Variants in TMCC1 observed in about 807,000 individuals in gnomAD.
TMCC1 encodes the protein transmembrane and coiled-coil domain family 1.
A neutral mutation model predicts 52.4 loss-of-function variants in TMCC1; 15 were observed. That is an observed-to-expected ratio of 0.29 (90% CI 0.19 to 0.44). TMCC1 has a LOEUF of 0.44. Among genes scored for constraint, TMCC1 ranks in the 20% least tolerant of loss-of-function variants. The pLI is 1.00. For missense variants in TMCC1, 503 were observed against 806.0 expected (o/e 0.62, Z 4.55); for synonymous variants, 279 against 301.9 (o/e 0.92, Z 0.79).
intron 4 of TMCC1, among the ~76,000 whole-genome samples, chr3:129,700,152 G>A (rs929461797): frequency 5.9e-5 from 9 of 152,072 alleles, no homozygotes; most frequent in African/African-American, 1.2e-4. Context: ...GAGGCAGGAT[G>A]ATCACTTGAG....
intron 4 of TMCC1, among the ~76,000 whole-genome samples, chr3:129,716,226 A>G (rs1406023948): frequency 7.0e-6 from 1 of 142,358 alleles, no homozygotes; most frequent in African/African-American, 2.5e-5. Flanking sequence ...GCAATGGCAC[A>G]ATCTCGGCTA....
chr3:129,685,223 G>C (rs2089312059), intron 4 of TMCC1, among the ~76,000 whole-genome samples: 3 of 151,754 alleles, frequency 2.0e-5, no homozygotes, highest in Admixed American at 2.0e-4. Flanking sequence ...TTACAAAAAA[G>C]AAAAAAATTA....
intron 4 of TMCC1, among the ~76,000 whole-genome samples, chr3:129,804,707 T>C (rs929630126): frequency 6.6e-6 from 1 of 152,138 alleles, no homozygotes; most frequent in Non-Finnish European, 1.5e-5. Flanking sequence ...GTATATCTAA[T>C]TGTCACATCA....
intron 4 of TMCC1, among the ~76,000 whole-genome samples, chr3:129,701,757 A>G (rs1040833728): frequency 2.6e-5 from 4 of 152,276 alleles, no homozygotes; most frequent in South Asian, 2.1e-4. Flanking sequence ...GCCTACCTCA[A>G]TGGAATCATG....
chr3:129,743,153 T>C (rs936753494), intron 4 of TMCC1, among the ~76,000 whole-genome samples: 6 of 152,198 alleles, frequency 3.9e-5, no homozygotes, highest in Non-Finnish European at 7.4e-5. Context: ...ATGGACTGTA[T>C]ACTTTCAATG....
chr3:129,676,839 A>C (rs2088493065), intron 4 of TMCC1, among the ~76,000 whole-genome samples: 1 of 152,148 alleles, frequency 6.6e-6, no homozygotes, highest in Admixed American at 6.5e-5. Context: ...TTTTTGAAAA[A>C]ATGTTAAAGA....
chr3:129,794,519 T>G (rs1014793421), intron 4 of TMCC1, among the ~76,000 whole-genome samples: 1 of 141,752 alleles, frequency 7.1e-6, no homozygotes, highest in Non-Finnish European at 1.5e-5. Context: ...TTCATTGTTC[T>G]ATCAAGAGAT....
chr3:129,715,842 A>G (rs1172685497), intron 4 of TMCC1, among the ~76,000 whole-genome samples: 1 of 152,072 alleles, frequency 6.6e-6, no homozygotes, highest in Non-Finnish European at 1.5e-5. Flanking sequence ...CATTCTTATT[A>G]TATTAAATGA....
At chr3:129,795,108 G>A (rs940740191) in intron 4 of TMCC1, among the ~76,000 whole-genome samples, 2 of 152,260 alleles carry the variant, frequency 1.3e-5, no homozygotes, top group African/African-American at 2.4e-5. Flanking sequence ...GGCATACTCC[G>A]ACGGTGACTT....
intron 4 of TMCC1, among the ~76,000 whole-genome samples, chr3:129,821,685 T>C (rs998411142): frequency 2.0e-5 from 3 of 152,148 alleles, no homozygotes; most frequent in Non-Finnish European, 4.4e-5. Flanking sequence ...AAACTTTAAT[T>C]ATGGGCCCTG....
rs894259990 is a variant in TMCC1 at position 129,875,364 on chromosome 3, C to T, written c.-184+4945G>A. Among the ~76,000 whole-genome samples, 6 of 151,616 alleles carry T rather than the reference C, an allele frequency of 4.0e-5. No individual in the cohort carries two copies. The South Asian group carries it at 6.3e-4, about 16-fold the overall frequency. The stretch of plus-strand genomic sequence containing the variant: ...AGAATTAGCTGGGTGAGGTAGCCGG[C>T]GCCTGTAATCCCAGCTACTTGGCAG... On this transcript the variant is annotated intron_variant, in intron 2 of 6. Transcript: ENST00000393238.
chr3:129,660,342 G>A (rs537065242), intron 5 of TMCC1, among the ~76,000 whole-genome samples: 151 of 152,104 alleles, frequency 9.9e-4, no homozygotes, highest in African/African-American at 3.4e-3. Flanking sequence ...CTGTAGAGAC[G>A]GGGTTTCGCC....
At chr3:129,659,881 C>T (rs900688347) in intron 5 of TMCC1, among the ~76,000 whole-genome samples, 1 of 152,124 alleles carries the variant, frequency 6.6e-6, no homozygotes, top group Non-Finnish European at 1.5e-5. Flanking sequence ...CCTTTTCATC[C>T]TCTATAAAGA....
At chr3:129,785,933 C>CTTTT (rs11391336) in intron 4 of TMCC1, among the ~76,000 whole-genome samples, 10 of 127,610 alleles carry the variant, frequency 7.8e-5, no homozygotes, top group Admixed American at 5.1e-4. Flanking sequence ...CCCTCACCCC[C>CTTTT]TTTTTTTTTT....
At chr3:129,847,023 A>C (rs550296816) in intron 2 of TMCC1, 22 of 152,180 alleles carry the variant, frequency 1.4e-4, no homozygotes, top group Non-Finnish European at 1.0e-4. Context: ...ACATACATAC[A>C]TAATTTTGAA....
Position 129,893,640 on chromosome 3 carries a change from GCCGCCGCCTCAGTCACCGCCA to G in TMCC1, c.-602_-582del, listed in dbSNP as rs1457732857. On this transcript the variant is annotated 5_prime_UTR_variant, in exon 1 of 7. Transcript: ENST00000393238. ...ACCCTCCCCCCGCGCCGCCTCAGCC[GCCGCCGCCTCAGTCACCGCCA>G]CCGCCGCCGCCGCCTCAGCCCCGGC... is the stretch of plus-strand genomic sequence containing the variant. The G allele has an allele frequency of 2.2e-5, 3 of 138,588 alleles. No homozygotes were observed. The highest frequency in any genetic ancestry group is 7.1e-5 in the Admixed American group (1 of 14,074). 8.6% of individuals were successfully genotyped at this position (138,588 alleles called of 1,614,324 possible). A position where few individuals can be genotyped will look rare whatever the true frequency, so the allele number is the denominator to read the frequency against.
At chr3:129,817,454 A>G (rs1219171880) in intron 4 of TMCC1, among the ~76,000 whole-genome samples, 1 of 152,182 alleles carries the variant, frequency 6.6e-6, no homozygotes, top group East Asian at 1.9e-4. Flanking sequence ...GTCTTAATCA[A>G]TTAATAATAT....
intron 1 of TMCC1, among the ~76,000 whole-genome samples, chr3:129,886,048 A>G (rs2061685085): frequency 6.6e-6 from 1 of 152,106 alleles, no homozygotes; most frequent in South Asian, 2.1e-4. Flanking sequence ...GCTTGAATAC[A>G]TAATGTTAAA....
chr3:129,826,178 C>G (rs1217742347), intron 4 of TMCC1, among the ~76,000 whole-genome samples: 1 of 152,002 alleles, frequency 6.6e-6, no homozygotes, highest in Non-Finnish European at 1.5e-5. Context: ...TTTGGGTAAT[C>G]AGTGACCAAA....
Sources: allele counts gnomAD v4.1 joint callset (sites outside exome capture counted in the v4.1 genomes callset), GRCh38; gene constraint gnomAD v4.1.1; transcripts MANE v1.5; gene names NCBI Gene and HGNC (gene_info 2026-07-23, HGNC 2026-07-21).